The following DLGAP2 variants were observed in gnomAD, a reference collection of about 807,000 sequenced individuals.
The protein encoded by DLGAP2 is DLG associated protein 2.
DLGAP2 carries 26 observed loss-of-function variants against 100.3 expected under a neutral mutation model. The observed-to-expected ratio is 0.26, with a 90% confidence interval of 0.19 to 0.36. The LOEUF is 0.36. Ranked by LOEUF, DLGAP2 falls within the 10% of genes least tolerant of loss-of-function variation. The probability of loss-of-function intolerance (pLI) is 1.00; values close to 1 mark genes in which losing one functional copy is unlikely to be tolerated. For synonymous variants in DLGAP2, 886 were observed against 630.1 expected (o/e 1.41, Z -6.08); for missense variants, 1,858 against 1,453.2 (o/e 1.28, Z -4.53).
intron 1 of DLGAP2, among the ~76,000 whole-genome samples, chr8:747,523 G>T (rs1265659194): frequency 6.9e-6 from 1 of 144,792 alleles, no homozygotes; most frequent in Non-Finnish European, 1.5e-5. Flanking sequence ...GGCGGCTGGA[G>T]GGTGACCTTT....
intron 8 of DLGAP2, among the ~76,000 whole-genome samples, chr8:1,651,810 G>A (rs1192640854): frequency 6.6e-6 from 1 of 152,120 alleles, no homozygotes; most frequent in Non-Finnish European, 1.5e-5. Context: ...AAGTAAATTT[G>A]AAAAGTTAAA....
At chr8:1,300,572 A>C (rs963143441) in intron 3 of DLGAP2, 1 of 152,294 alleles carries the variant, frequency 6.6e-6, no homozygotes, top group South Asian at 2.1e-4. Flanking sequence ...GTGTGGGGTC[A>C]GCACCCAGCA....
chr8:927,254 G>C, intron 2 of DLGAP2: 1 of 982,328 alleles, frequency 1.0e-6, no homozygotes, highest in Non-Finnish European at 1.2e-6. Flanking sequence ...TGTTGATGGA[G>C]GACAGTGATG....
At chr8:867,391 C>A (rs967336461) in intron 1 of DLGAP2, among the ~76,000 whole-genome samples, 1 of 152,210 alleles carries the variant, frequency 6.6e-6, no homozygotes, top group Non-Finnish European at 1.5e-5. Flanking sequence ...CTGGAGTCAG[C>A]AGGAAGCCTG....
At chr8:1,443,336 G>A (rs774389181) in intron 3 of DLGAP2, among the ~76,000 whole-genome samples, 8 of 152,096 alleles carry the variant, frequency 5.3e-5, no homozygotes, top group Non-Finnish European at 8.8e-5. Context: ...AATACTTCCA[G>A]CCTTCCCTCC....
Position 1,628,217 on chromosome 8 carries a change from C to T in DLGAP2, c.1590+1330C>T, listed in dbSNP as rs550028531. On this transcript the variant is annotated intron_variant, in intron 7 of 14. Transcript: ENST00000637795. ...AGCAGGAATTAAGAGCCTGAGCTGA[C>T]CTCACATTCTTTCTGACTTACTGTG... Among the ~76,000 whole-genome samples, 25 of 131,250 alleles carry T rather than the reference C, an allele frequency of 1.9e-4. 2 individuals carry two copies. The South Asian group carries it at 6.3e-3, about 33-fold the overall frequency. The allele number at this position is 131,250 out of a possible 152,430, so 86.1% of individuals were successfully genotyped here.
At chr8:885,243 T>C (rs546293046) in intron 1 of DLGAP2, among the ~76,000 whole-genome samples, 1 of 152,398 alleles carries the variant, frequency 6.6e-6, no homozygotes, top group East Asian at 1.9e-4. Flanking sequence ...CAGTATTGAT[T>C]CTTCCTATCC....
chr8:1,417,633 AG>A (rs1220052647), intron 3 of DLGAP2, among the ~76,000 whole-genome samples: 5 of 143,618 alleles, frequency 3.5e-5, no homozygotes, highest in South Asian at 2.3e-4. Flanking sequence ...GGCCGCCTCC[AG>A]GGGGGCACGG....
intron 3 of DLGAP2, among the ~76,000 whole-genome samples, chr8:1,443,614 C>T (rs1290957482): frequency 1.3e-5 from 2 of 152,132 alleles, no homozygotes; most frequent in African/African-American, 4.8e-5. Flanking sequence ...GGAGGCCTCA[C>T]GATCATGGCA....
chr8:869,370 G>A (rs1274036444), intron 1 of DLGAP2, among the ~76,000 whole-genome samples: 3 of 152,190 alleles, frequency 2.0e-5, no homozygotes, highest in Non-Finnish European at 4.4e-5. Flanking sequence ...TCCTGAATCC[G>A]AGATTTATTT....
chr8:948,598 G>A (rs1390763189), intron 2 of DLGAP2, among the ~76,000 whole-genome samples: 1 of 152,238 alleles, frequency 6.6e-6, no homozygotes, highest in East Asian at 1.9e-4. Context: ...GGTGACAGTG[G>A]GTTCCTCAAG....
At chr8:1,455,665 C>G (rs1422914943) in intron 3 of DLGAP2, among the ~76,000 whole-genome samples, 2 of 152,160 alleles carry the variant, frequency 1.3e-5, no homozygotes, top group Non-Finnish European at 2.9e-5. Context: ...CAGGGGCACG[C>G]CCCCCATTTA....
At chr8:929,985 T>C (rs1164532960) in intron 2 of DLGAP2, among the ~76,000 whole-genome samples, 1 of 152,120 alleles carries the variant, frequency 6.6e-6, no homozygotes, top group Non-Finnish European at 1.5e-5. Context: ...GTTCTAATTT[T>C]CTGTGTTGTG....
rs1259996129 is a variant in DLGAP2 at position 889,792 on chromosome 8, C to T, written c.19-18120C>T. Among the ~76,000 whole-genome samples, 7 of 152,304 alleles carry T rather than the reference C, an allele frequency of 4.6e-5. No individual in the cohort carries two copies. In the South Asian group the frequency reaches 1.5e-3, roughly 32 times the overall value. On this transcript the variant is annotated intron_variant, in intron 1 of 14. Transcript: ENST00000637795. ...GCCGCTGCAGCCAGTGCTGGTCACC[C>T]CTCCCCCCAGGAGTTCTGTAGGCTT...
At chr8:1,424,253 A>AG (rs1188319648) in intron 3 of DLGAP2, among the ~76,000 whole-genome samples, 2 of 152,204 alleles carry the variant, frequency 1.3e-5, no homozygotes, top group Admixed American at 1.3e-4. Flanking sequence ...TCACAGCAAA[A>AG]GGGGGTCCCT....
At chr8:1,557,733 C>T (rs753210332) in intron 5 of DLGAP2, among the ~76,000 whole-genome samples, 8 of 152,194 alleles carry the variant, frequency 5.3e-5, no homozygotes, top group African/African-American at 1.7e-4. Context: ...ACGCAGACGC[C>T]GTCCTCTCCC....
At chr8:1,050,825 C>G (rs1372492195) in intron 2 of DLGAP2, among the ~76,000 whole-genome samples, 1 of 152,118 alleles carries the variant, frequency 6.6e-6, no homozygotes, top group Non-Finnish European at 1.5e-5. Context: ...ATGAAAAGGA[C>G]CTGAATTTTT....
Position 1,445,075 on chromosome 8 carries a change from A to G in DLGAP2, c.107-56291A>G, listed in dbSNP as rs1797947033. On this transcript the variant is annotated intron_variant, in intron 3 of 14. Coordinates refer to ENST00000637795, the MANE Select transcript of DLGAP2 (RefSeq NM_001346810.2). ...ATGAGCCACCGCGCCCAGCCAGATC[A>G]TTCTTTTTTTTTTTTTTTAATTATT... 1.8e-4 allele frequency among the ~76,000 whole-genome samples: 8 copies of G among 44,662 alleles called. No homozygotes were observed. In the South Asian group the frequency reaches 0.013, roughly 70 times the overall value. 29.3% of individuals were successfully genotyped at this position (44,662 alleles called of 152,430 possible).
At chr8:1,069,919 A>G (rs891037679) in intron 2 of DLGAP2, among the ~76,000 whole-genome samples, 4 of 152,186 alleles carry the variant, frequency 2.6e-5, no homozygotes, top group Admixed American at 2.0e-4. Context: ...TCCTTTTGCC[A>G]GGCTGAACCC....
Sources: gnomAD v4.1 joint callset for allele counts (sites outside exome capture counted in the v4.1 genomes callset) on GRCh38, gnomAD v4.1.1 for gene constraint, MANE v1.5 for transcripts, NCBI Gene and HGNC (gene_info 2026-07-23, HGNC 2026-07-21) for gene names.